The following PTPRN2 variants were observed in gnomAD, a reference collection of about 807,000 sequenced individuals.
PTPRN2 encodes the protein protein tyrosine phosphatase receptor type N2.
In PTPRN2, 74 loss-of-function variants were observed where a neutral mutation model predicts 118.8. The ratio of observed to expected loss-of-function variants is 0.62; its 90% CI spans 0.52 to 0.76. PTPRN2 has a LOEUF of 0.76. Ranked by LOEUF, PTPRN2 falls within the 30% of genes least tolerant of loss-of-function variation. PTPRN2 has a pLI of 0.00. For missense variants in PTPRN2, 1,481 were observed against 1,394.4 expected (o/e 1.06, Z -0.99); for synonymous variants, 641 against 608.0 (o/e 1.05, Z -0.80).
At chr7:158,044,837 G>T (rs760622591) in intron 11 of PTPRN2, among the ~76,000 whole-genome samples, 1 of 152,202 alleles carries the variant, frequency 6.6e-6, no homozygotes. Context: ...AAGTACAAAA[G>T]AGTCTGCTGC....
intron 12 of PTPRN2, among the ~76,000 whole-genome samples, chr7:157,769,800 T>TA (rs959037702): frequency 2.6e-4 from 39 of 152,230 alleles, no homozygotes; most frequent in African/African-American, 8.7e-4. Context: ...GCTTCACATC[T>TA]AAAACACTAT....
intron 12 of PTPRN2, among the ~76,000 whole-genome samples, chr7:157,722,235 C>T (rs1242005680): frequency 2.0e-5 from 3 of 152,248 alleles, no homozygotes; most frequent in Non-Finnish European, 4.4e-5. Flanking sequence ...CCACGTGTGC[C>T]ATGTGCCTCA....
rs563473747 is a variant in PTPRN2 at position 158,486,405 on chromosome 7, C to T, written c.163+3330G>A. Among the ~76,000 whole-genome samples the T allele has an allele frequency of 1.8e-4, 27 of 152,264 alleles. 1 individual carries two copies. The highest frequency in any genetic ancestry group is 1.5e-3 in the South Asian group (7 of 4,822). Reference sequence around the variant, plus strand: ...CATACCACCTGTGTTTGGATGTGTCCCATTTAAAGTTATCAACCATGAAAT... The same window carrying T: ...CATACCACCTGTGTTTGGATGTGTCTCATTTAAAGTTATCAACCATGAAAT... On this transcript the variant is annotated intron_variant, in intron 2 of 22. Transcript: ENST00000389418.
Position 158,151,217 on chromosome 7 carries a change from C to A in PTPRN2, c.911-12702G>T, listed in dbSNP as rs1386008321. Among the ~76,000 whole-genome samples the A allele has an allele frequency of 1.1e-4, 2 of 17,426 alleles. 1 individual carries two copies. The highest frequency in any genetic ancestry group is 1.7e-4 in the Non-Finnish European group (2 of 12,070). The allele number at this position is 17,426 out of a possible 152,430, so 11.4% of individuals were successfully genotyped here. A position where few individuals can be genotyped will look rare whatever the true frequency, so the allele number is the denominator to read the frequency against. ...CTGCCCACACCACCCACCTTCTATTCCTGCCTCTCCCTGCCCACACTGCTC... is the reference window on the plus strand; with the variant it reads ...CTGCCCACACCACCCACCTTCTATTACTGCCTCTCCCTGCCCACACTGCTC... On this transcript the variant is annotated intron_variant, in intron 6 of 22. Transcript: ENST00000389418.
intron 1 of PTPRN2, chr7:158,537,484 C>T (rs1321013418): frequency 6.6e-6 from 1 of 152,298 alleles, no homozygotes; most frequent in East Asian, 1.9e-4. Flanking sequence ...AAGTGCAGTC[C>T]ACATGCCGTC....
At chr7:158,213,005 A>G (rs1217481646) in intron 3 of PTPRN2, among the ~76,000 whole-genome samples, 1 of 152,218 alleles carries the variant, frequency 6.6e-6, no homozygotes, top group Non-Finnish European at 1.5e-5. Context: ...TTATGCTCAA[A>G]ATTACCAAAT....
rs1377397737 is a variant in PTPRN2, at chr7:157,801,079, A to ACACACACACATATATATATG, written c.1788+97593_1788+97594insCATATATATATGTGTGTGTG. On this transcript the variant is annotated intron_variant, in intron 12 of 22. Transcript: ENST00000389418. This position sits in a 1 kb window ranked among gnomAD's most constrained non-coding sequence, Gnocchi z 4.2. ...CACATATATATACACATATATATAC[A>ACACACACACATATATATATG]CACACACACACATATATATATGCAC... 6.6e-6 allele frequency among the ~76,000 whole-genome samples: 1 copy of ACACACACACATATATATATG among 151,202 alleles called. No individual in the cohort carries two copies. Among genetic ancestry groups the ACACACACACATATATATATG allele is most frequent in the African/African-American group, 2.4e-5 (1 of 41,130 alleles).
Position 158,555,288 on chromosome 7 carries a change from T to A in PTPRN2, c.112+32270A>T, listed in dbSNP as rs1173136871. On this transcript the variant is annotated intron_variant, in intron 1 of 22. Coordinates refer to ENST00000389418, the MANE Select transcript of PTPRN2 (RefSeq NM_002847.5). This position sits in a 1 kb window ranked among gnomAD's most constrained non-coding sequence, Gnocchi z 4.7. ...GCTGCCTTTTGGGGGAGGTTGGGGC[T>A]TATGCCTTAGGGCGCCAGTCAGGTC... Among the ~76,000 whole-genome samples, 6 of 152,208 alleles carry A rather than the reference T, an allele frequency of 3.9e-5. No individual in the cohort carries two copies. The South Asian group carries it at 1.2e-3, about 31-fold the overall frequency.
At chr7:158,258,474 T>C (rs1394837966) in intron 3 of PTPRN2, among the ~76,000 whole-genome samples, 2 of 152,356 alleles carry the variant, frequency 1.3e-5, no homozygotes, top group East Asian at 3.9e-4. Flanking sequence ...ACGCACTCCA[T>C]GTGCATGTGC....
Position 157,801,361 on chromosome 7 carries a change from C to G in PTPRN2, c.1788+97312G>C, listed in dbSNP as rs1402583986. Among the ~76,000 whole-genome samples the G allele has an allele frequency of 6.6e-6, 1 of 152,184 alleles. No homozygotes were observed. Among genetic ancestry groups the G allele is most frequent in the Admixed American group, 6.5e-5 (1 of 15,282 alleles). Reference sequence around the variant, plus strand: ...TCCACGGAGCACTGCTTTGCCGTCTCCAGAAAGAGCTGTCGAGGTTTATTT... The same window carrying G: ...TCCACGGAGCACTGCTTTGCCGTCTGCAGAAAGAGCTGTCGAGGTTTATTT... On this transcript the variant is annotated intron_variant, in intron 12 of 22. Transcript: ENST00000389418. The surrounding 1 kb of genome is among the most constrained non-coding windows in gnomAD (Gnocchi z 4.2).
chr7:158,471,998 A>G (rs1160863457), intron 2 of PTPRN2, among the ~76,000 whole-genome samples: 1 of 152,028 alleles, frequency 6.6e-6, no homozygotes, highest in Non-Finnish European at 1.5e-5. Flanking sequence ...CGGCCCCGCC[A>G]CGGTTCCGGC....
intron 5 of PTPRN2, among the ~76,000 whole-genome samples, chr7:158,175,937 C>T (rs566092407): frequency 5.3e-5 from 8 of 151,730 alleles, no homozygotes; most frequent in Admixed American, 2.6e-4. Context: ...TCAAGACTCG[C>T]GACACCGTGA....
chr7:158,336,598 C>T (rs1267654625), intron 2 of PTPRN2, among the ~76,000 whole-genome samples: 6 of 148,062 alleles, frequency 4.1e-5, no homozygotes, highest in African/African-American at 5.0e-5. Flanking sequence ...GTCATTCACA[C>T]CCACACTCTC....
At position 157,977,591 on chromosome 7, in the gene PTPRN2, C is replaced by T. The variant is rs1248420979; in HGVS notation, c.1724-78854G>A. On this transcript the variant is annotated intron_variant, in intron 11 of 22. Transcript: ENST00000389418. This position sits in a 1 kb window ranked among gnomAD's most constrained non-coding sequence, Gnocchi z 4.6. ...CCAGGTGGGATGACGTGAGAAGGCCCCAGGTGGGATGACGTGAGTGTGTTC... is the reference window on the plus strand; with the variant it reads ...CCAGGTGGGATGACGTGAGAAGGCCTCAGGTGGGATGACGTGAGTGTGTTC... Among the ~76,000 whole-genome samples, 2 of 151,366 alleles carry T rather than the reference C, an allele frequency of 1.3e-5. No homozygotes were observed. The highest frequency in any genetic ancestry group is 4.9e-5 in the African/African-American group (2 of 41,234).
intron 9 of PTPRN2, among the ~76,000 whole-genome samples, chr7:158,113,007 AGCATTGAGGGCCCCCCG>A (rs1439266949): frequency 6.0e-4 from 90 of 151,048 alleles, no homozygotes; most frequent in African/African-American, 2.1e-3. Flanking sequence ...AGGATCCCCC[AGCATTGAGGGCCCCCCG>A]GCATTTAGGG....
At chr7:158,205,620 T>C (rs1456229126) in intron 3 of PTPRN2, among the ~76,000 whole-genome samples, 1 of 152,148 alleles carries the variant, frequency 6.6e-6, no homozygotes, top group Non-Finnish European at 1.5e-5. Flanking sequence ...ACGAACCAAA[T>C]TTCAGGTGAG....
chr7:158,275,887 T>C (rs888836512), intron 3 of PTPRN2, among the ~76,000 whole-genome samples: 2 of 152,170 alleles, frequency 1.3e-5, no homozygotes, highest in Non-Finnish European at 2.9e-5. Context: ...GGGGGTGACC[T>C]TCCCAAGGAG....
intron 5 of PTPRN2, among the ~76,000 whole-genome samples, chr7:158,175,554 G>A (rs563066118): frequency 6.6e-6 from 1 of 152,174 alleles, no homozygotes; most frequent in Admixed American, 6.5e-5. Context: ...TGGCCCACTC[G>A]TGTGGAGGGG....
At chr7:157,704,343 C>T (rs1458972237) in intron 12 of PTPRN2, among the ~76,000 whole-genome samples, 3 of 152,240 alleles carry the variant, frequency 2.0e-5, no homozygotes, top group African/African-American at 4.8e-5. Context: ...ACCATCTTGA[C>T]TCTAGGAGCT....
Sources: gnomAD v4.1 joint callset for allele counts (sites outside exome capture counted in the v4.1 genomes callset) on GRCh38, gnomAD v4.1.1 for gene constraint, Gnocchi (gnomAD v3.1) non-coding constraint, MANE v1.5 for transcripts, NCBI Gene and HGNC (gene_info 2026-07-23, HGNC 2026-07-21) for gene names.